Variants in LRP1B observed in about 807,000 individuals in gnomAD.
The protein encoded by LRP1B is low-density lipoprotein receptor-related protein 1B.
In LRP1B, 217 loss-of-function variants were observed where a neutral mutation model predicts 556.6. The ratio of observed to expected loss-of-function variants is 0.39; its 90% CI spans 0.35 to 0.44. The LOEUF is 0.44. LRP1B is among the 20% of genes least tolerant of loss of function. LRP1B has a pLI of 1.00. For synonymous variants in LRP1B, 2,047 were observed against 1,865.8 expected, an observed-to-expected ratio of 1.10 and a Z score of -2.50; for missense variants, 5,053 against 5,620.8, an observed-to-expected ratio of 0.90 and a Z score of 3.23.
At chr2:141,471,279 T>TGTTTTTGTTTTTG (rs79252041) in intron 3 of LRP1B, among the ~76,000 whole-genome samples, 1 of 134,764 alleles carries the variant, frequency 7.4e-6, no homozygotes. Context: ...TTTTTTTTTT[T>TGTTTTTGTTTTTG]TTTTTTTTTT....
rs527855580 is a variant in LRP1B at position 140,402,220 on chromosome 2, G to A, written c.10415-16211C>T. ...GTGGGACAAATGAACCCAGATGGCA[G>A]GCCTTGGGTTCCATATCTTTCTGCT... On this transcript the variant is annotated intron_variant, in intron 66 of 90. Coordinates refer to ENST00000389484, the MANE Select transcript of LRP1B (RefSeq NM_018557.3). Among the ~76,000 whole-genome samples the A allele has an allele frequency of 7.9e-5, 12 of 152,338 alleles. No individual in the cohort carries two copies. The East Asian group carries it at 1.9e-3, about 25-fold the overall frequency.
chr2:140,317,262 G>C (rs927723518), intron 82 of LRP1B, among the ~76,000 whole-genome samples: 1 of 152,056 alleles, frequency 6.6e-6, no homozygotes, highest in Non-Finnish European at 1.5e-5. Flanking sequence ...GGTTAAAATG[G>C]CAGCTTAAAA....
chr2:140,431,280 C>T (rs1264449380), intron 66 of LRP1B, among the ~76,000 whole-genome samples: 1 of 152,182 alleles, frequency 6.6e-6, no homozygotes, highest in Non-Finnish European at 1.5e-5. Flanking sequence ...AATACTTTTA[C>T]CACTTTCCCT....
chr2:140,730,690 G>C (rs907502853), intron 35 of LRP1B, among the ~76,000 whole-genome samples: 2 of 152,042 alleles, frequency 1.3e-5, no homozygotes, highest in Non-Finnish European at 2.9e-5. Flanking sequence ...CTCCCAAGTA[G>C]CTGGGATTAC....
At chr2:140,430,168 G>T (rs1215918522) in intron 66 of LRP1B, among the ~76,000 whole-genome samples, 2 of 152,094 alleles carry the variant, frequency 1.3e-5, no homozygotes, top group Non-Finnish European at 2.9e-5. Flanking sequence ...GCAAAAGCAG[G>T]CTATGCTGTA....
intron 40 of LRP1B, 57 bp from the exon 41 acceptor site, chr2:140,700,678 A>G: frequency 6.5e-7 from 1 of 1,547,094 alleles, no homozygotes; most frequent in Non-Finnish European, 8.8e-7. Context: ...TTTGTTTTTG[A>G]AACAAAATTC....
At chr2:140,317,226 T>A (rs1684564339) in intron 82 of LRP1B, among the ~76,000 whole-genome samples, 1 of 152,054 alleles carries the variant, frequency 6.6e-6, no homozygotes, top group Non-Finnish European at 1.5e-5. Flanking sequence ...TAATGTGGTG[T>A]CTTGGAAGGG....
chr2:141,609,215 A>G (rs889269153), intron 2 of LRP1B, among the ~76,000 whole-genome samples: 1 of 152,214 alleles, frequency 6.6e-6, no homozygotes, highest in Non-Finnish European at 1.5e-5. Context: ...AATTCAAGTT[A>G]CCAACATAAT....
At chr2:140,393,737 A>G (rs1202885960) in intron 66 of LRP1B, among the ~76,000 whole-genome samples, 1 of 152,290 alleles carries the variant, frequency 6.6e-6, no homozygotes. Context: ...AGCTTCAATC[A>G]TGGCAGCTCC....
intron 1 of LRP1B, among the ~76,000 whole-genome samples, chr2:141,916,739 TGGC>T (rs1700046427): frequency 6.6e-6 from 1 of 151,830 alleles, no homozygotes; most frequent in African/African-American, 2.4e-5. Context: ...GACATAAAGA[TGGC>T]AACGATAGAC....
intron 3 of LRP1B, among the ~76,000 whole-genome samples, chr2:141,417,652 G>T (rs1012541467): frequency 6.6e-6 from 1 of 151,838 alleles, no homozygotes; most frequent in African/African-American, 2.4e-5. Flanking sequence ...CCACCTCTTG[G>T]TTATGCTGCA....
chr2:140,450,216 C>T (rs1230348513), intron 63 of LRP1B, among the ~76,000 whole-genome samples: 1 of 151,966 alleles, frequency 6.6e-6, no homozygotes. Context: ...TGGAAACTTG[C>T]CCATTTTTAC....
chr2:141,192,964 T>A (rs1681584818), intron 6 of LRP1B, among the ~76,000 whole-genome samples: 1 of 152,016 alleles, frequency 6.6e-6, no homozygotes, highest in South Asian at 2.1e-4. Context: ...ATAGTTGTAG[T>A]GATAACTCAT....
At chr2:141,106,927 A>T (rs746000602) in intron 7 of LRP1B, among the ~76,000 whole-genome samples, 1 of 152,136 alleles carries the variant, frequency 6.6e-6, no homozygotes, top group African/African-American at 2.4e-5. Flanking sequence ...TAATTTTATC[A>T]TTTTCAAGAA....
chr2:140,418,562 G>A (rs1685294844), intron 66 of LRP1B, among the ~76,000 whole-genome samples: 2 of 152,038 alleles, frequency 1.3e-5, no homozygotes, highest in Non-Finnish European at 2.9e-5. Context: ...TTCCATTTCA[G>A]ACATCCCATA....
intron 43 of LRP1B, among the ~76,000 whole-genome samples, chr2:140,574,635 G>C (rs921550370): frequency 1.3e-5 from 2 of 152,102 alleles, no homozygotes; most frequent in African/African-American, 4.8e-5. Flanking sequence ...CAATTTGGCA[G>C]CTGCCAGGAA....
chr2:141,372,864 T>C (rs1689281636), intron 3 of LRP1B, among the ~76,000 whole-genome samples: 2 of 152,112 alleles, frequency 1.3e-5, no homozygotes, highest in Admixed American at 1.3e-4. Flanking sequence ...TGCCTCTCTT[T>C]AATTCTCCTC....
chr2:141,589,225 C>T (rs143877023), intron 2 of LRP1B, among the ~76,000 whole-genome samples: 1 of 151,242 alleles, frequency 6.6e-6, no homozygotes, highest in East Asian at 1.9e-4. Context: ...AAGAGATGAG[C>T]GTTTTGGATG....
intron 1 of LRP1B, among the ~76,000 whole-genome samples, chr2:142,087,233 G>A (rs1705976752): frequency 6.6e-6 from 1 of 151,950 alleles, no homozygotes; most frequent in African/African-American, 2.4e-5. Flanking sequence ...ATGGATTTGG[G>A]GTGGAGAAAA....
Sources: allele counts gnomAD v4.1 joint callset (sites outside exome capture counted in the v4.1 genomes callset), GRCh38; gene constraint gnomAD v4.1.1; transcripts MANE v1.5; gene names NCBI Gene and HGNC (gene_info 2026-07-23, HGNC 2026-07-21).